The following COL27A1 variants were observed in gnomAD, a reference collection of about 807,000 sequenced individuals.
The protein encoded by COL27A1 is collagen type XXVII alpha 1 chain.
COL27A1 carries 106 observed loss-of-function variants against 251.3 expected under a neutral mutation model. The observed-to-expected ratio is 0.42, with a 90% CI of 0.36 to 0.50. The LOEUF is 0.50. Ranked by LOEUF, COL27A1 falls within the 20% of genes least tolerant of loss-of-function variation. The pLI is 0.00. For synonymous variants in COL27A1, 1,000 were observed against 986.3 expected, an observed-to-expected ratio of 1.01 and a Z score of -0.26; for missense variants, 2,325 against 2,522.8, an observed-to-expected ratio of 0.92 and a Z score of 1.68.
chr9:114,295,002 A>G (rs1828164382), intron 49 of COL27A1, among the ~76,000 whole-genome samples: 1 of 152,254 alleles, frequency 6.6e-6, no homozygotes, highest in Non-Finnish European at 1.5e-5. Context: ...CACCATATCA[A>G]TATGCACAAA....
chr9:114,265,518 C>T, intron 32 of COL27A1, 43 bp downstream of exon 32: 1 of 1,594,654 alleles, frequency 6.3e-7, no homozygotes, highest in Non-Finnish European at 8.6e-7. Flanking sequence ...TTGCCGCTGG[C>T]ACCTGGGGGT....
chr9:114,296,874 G>T (rs1016867537), intron 49 of COL27A1, among the ~76,000 whole-genome samples: 2 of 152,128 alleles, frequency 1.3e-5, no homozygotes, highest in African/African-American at 4.8e-5. Context: ...ATCAGTAAAT[G>T]GATTGAACTA....
intron 1 of COL27A1, 143 bp from the exon 2 acceptor site, chr9:114,162,572 A>G: frequency 1.5e-6 from 1 of 662,968 alleles, no homozygotes; most frequent in East Asian, 2.6e-5. Flanking sequence ...ATGGGGTCCT[A>G]GAGCCTGTAC....
At chr9:114,274,621 T>G (rs1305936125) in intron 36 of COL27A1, among the ~76,000 whole-genome samples, 1 of 152,188 alleles carries the variant, frequency 6.6e-6, no homozygotes, top group Admixed American at 6.5e-5. Flanking sequence ...ATGATCGCCA[T>G]GCAGAGCCCA....
chr9:114,172,418 T>C (rs1443961846), intron 3 of COL27A1, among the ~76,000 whole-genome samples: 1 of 152,218 alleles, frequency 6.6e-6, no homozygotes, highest in Non-Finnish European at 1.5e-5. Context: ...TGATCCATGC[T>C]GAGCCTGTTT....
At chr9:114,173,653 G>A (rs1849480558) in intron 3 of COL27A1, among the ~76,000 whole-genome samples, 2 of 152,044 alleles carry the variant, frequency 1.3e-5, no homozygotes, top group South Asian at 2.1e-4. Flanking sequence ...ATGGGGATAC[G>A]GTGCCACCTA....
rs1210892037 is a variant in COL27A1 at position 114,167,854 on chromosome 9, T to G, written c.299T>G (p.Leu100Arg). 6.2e-7 allele frequency: 1 copy of G among 1,613,586 alleles called. No homozygotes were observed. The highest frequency in any genetic ancestry group is 1.7e-5 in the Admixed American group (1 of 60,024). Residue 100 changes from leucine (L) to arginine (R), a missense_variant, in exon 3 of 61, where the codon CTG (leucine) becomes CGG (arginine). This residue lies in a region of COL27A1 where 1,183 missense variants were observed against 1,144.1 expected (regional missense o/e 1.03). Coordinates refer to ENST00000356083, the MANE Select transcript of COL27A1 (RefSeq NM_032888.4). ...GCCGCCTTGGGCACAGAGCTGGCAC[T>G]GGTGCTGAGCCTCTGCTCCCACCGG... ...IPAALGTELA[L>R]VLSLCSHRVN... is the part of the protein sequence containing the mutation.
At chr9:114,281,408 CCAGGGCAGGG>C (rs141141073) in intron 37 of COL27A1, among the ~76,000 whole-genome samples, 2 of 152,234 alleles carry the variant, frequency 1.3e-5, no homozygotes, top group African/African-American at 4.8e-5. Flanking sequence ...ATTTGCCCTC[CCAGGGCAGGG>C]CAGGGCAGAT....
Position 114,252,682 on chromosome 9 carries a change from G to A in COL27A1, c.3087+36G>A, listed in dbSNP as rs368600441. On this transcript the variant is annotated intron_variant, in intron 26 of 60. Coordinates refer to ENST00000356083, the MANE Select transcript of COL27A1 (RefSeq NM_032888.4). Reference sequence around the variant, plus strand: ...AGTCTGCATCCTCTTGCCCTCTCCTGTTGCAGCCTTGAGTGACAGCTCTGC... The same window carrying A: ...AGTCTGCATCCTCTTGCCCTCTCCTATTGCAGCCTTGAGTGACAGCTCTGC... 9.8e-5 allele frequency: 157 copies of A among 1,597,610 alleles called. 5 individuals are homozygous for A. Among genetic ancestry groups the A allele is most frequent in the South Asian group, 9.0e-4 (82 of 90,738 alleles).
chr9:114,299,323 T>G (rs1828457580), intron 49 of COL27A1, among the ~76,000 whole-genome samples: 1 of 152,266 alleles, frequency 6.6e-6, no homozygotes, highest in African/African-American at 2.4e-5. Context: ...TTTCTGCTTA[T>G]GAGCTTGAAG....
At chr9:114,237,817 C>A in intron 19 of COL27A1, 102 bp downstream of exon 19, 1 of 921,128 alleles carries the variant, frequency 1.1e-6, no homozygotes, top group Non-Finnish European at 1.8e-6. Flanking sequence ...CTTTAGGTCA[C>A]ACAGGATATG....
intron 19 of COL27A1, 55 bp from the exon 20 acceptor site, chr9:114,240,165 C>G: frequency 6.7e-7 from 1 of 1,486,250 alleles, no homozygotes; most frequent in Non-Finnish European, 9.4e-7. Flanking sequence ...GACGCATCCC[C>G]GTAGCACTCC....
intron 32 of COL27A1, among the ~76,000 whole-genome samples, chr9:114,265,816 G>A (rs1475390551): frequency 6.6e-6 from 1 of 152,254 alleles, no homozygotes; most frequent in Non-Finnish European, 1.5e-5. Flanking sequence ...CGAACAAGCT[G>A]ACCGGGAACT....
intron 14 of COL27A1, among the ~76,000 whole-genome samples, chr9:114,224,481 T>C (rs778789849): frequency 1.3e-5 from 2 of 152,096 alleles, no homozygotes; most frequent in Non-Finnish European, 2.9e-5. Context: ...CCCAAAGCCT[T>C]TCTGAAGGGA....
intron 14 of COL27A1, among the ~76,000 whole-genome samples, chr9:114,230,191 G>C (rs1377473323): frequency 6.6e-6 from 1 of 152,178 alleles, no homozygotes; most frequent in Non-Finnish European, 1.5e-5. Context: ...TGGGTGGACA[G>C]GGAATGAAAA....
At chr9:114,282,756 C>T (rs570511502) in intron 39 of COL27A1, among the ~76,000 whole-genome samples, 192 bp downstream of exon 39, 2 of 152,338 alleles carry the variant, frequency 1.3e-5, no homozygotes, top group South Asian at 2.1e-4. Context: ...GCTGCAGCCC[C>T]GCCTCCGGAA....
rs1190295309 is a variant in COL27A1 at position 114,265,056 on chromosome 9, G to A, written c.3295-10G>A. The stretch of plus-strand genomic sequence containing the variant: ...TCTGAGCCTGTAATGACCCCCACAT[G>A]TGCTTCCAGGGTGTGGCTGGTGAGC... On this transcript the variant is annotated splice_polypyrimidine_tract_variant and intron_variant, in intron 30 of 60. Transcript: ENST00000356083. 1.9e-5 allele frequency: 30 copies of A among 1,613,692 alleles called. No homozygotes were observed. The highest frequency in any genetic ancestry group is 2.5e-5 in the Non-Finnish European group (30 of 1,179,856).
intron 3 of COL27A1, among the ~76,000 whole-genome samples, chr9:114,171,946 C>A (rs752749870): frequency 2.0e-5 from 3 of 152,188 alleles, no homozygotes; most frequent in South Asian, 2.1e-4. Flanking sequence ...AGGCTCCCAG[C>A]GTGTTCCTGA....
Position 114,222,320 on chromosome 9 carries a change from G to A in COL27A1, c.2466+53G>A, listed in dbSNP as rs529759495. The A allele has an allele frequency of 1.7e-5, 27 of 1,543,680 alleles. No homozygotes were observed. In the South Asian group the frequency reaches 3.0e-4, roughly 17 times the overall value. ...GGTGGGTGTTGAGGAGACTCAGGGT[G>A]GAGCCAGCGTGTGGGGAGCCAGGAG... On this transcript the variant is annotated intron_variant, in intron 14 of 60. Transcript: ENST00000356083.
Sources: allele counts gnomAD v4.1 joint callset (sites outside exome capture counted in the v4.1 genomes callset), GRCh38; gene constraint gnomAD v4.1.1; regional missense constraint gnomAD v4.1.1; transcripts MANE v1.5; gene names NCBI Gene and HGNC (gene_info 2026-07-23, HGNC 2026-07-21).